The following KALRN variants were observed in gnomAD, a reference collection of about 807,000 sequenced individuals.
The protein encoded by KALRN is kalirin.
A neutral mutation model predicts 353.7 loss-of-function variants in KALRN; 70 were observed. That is an observed-to-expected ratio of 0.20 (90% confidence interval 0.16 to 0.24). KALRN has a LOEUF of 0.24. Ranked by LOEUF, KALRN falls within the 10% of genes least tolerant of loss-of-function variation. The probability of loss-of-function intolerance (pLI) is 1.00; values close to 1 mark genes in which losing one functional copy is unlikely to be tolerated. For synonymous variants in KALRN, 1,391 were observed against 1,434.8 expected, an observed-to-expected ratio of 0.97 and a Z score of 0.69; for missense variants, 2,791 against 3,756.7, an observed-to-expected ratio of 0.74 and a Z score of 6.72.
At chr3:124,367,507 G>C (rs2085022406) in intron 10 of KALRN, among the ~76,000 whole-genome samples, 1 of 110,902 alleles carries the variant, frequency 9.0e-6, no homozygotes, top group Non-Finnish European at 1.9e-5. Context: ...GGCCGGGCGG[G>C]GGGGCTGACC....
intron 34 of KALRN, among the ~76,000 whole-genome samples, chr3:124,628,136 C>A (rs2080173815): frequency 7.9e-6 from 1 of 125,822 alleles, no homozygotes. Context: ...ACCTTTCCTT[C>A]CATCCTCCCT....
intron 43 of KALRN, 41 bp downstream of exon 43, chr3:124,659,498 C>T (rs1458019055): frequency 2.2e-6 from 3 of 1,361,816 alleles, no homozygotes; most frequent in Non-Finnish European, 3.2e-6. Context: ...GAGAAGGATC[C>T]ATCAGGCTCA....
rs188376474 is a variant in KALRN at position 124,312,209 on chromosome 3, A to G, written c.1092+13296A>G. On this transcript the variant is annotated intron_variant, in intron 6 of 59. Coordinates refer to ENST00000682506, the MANE Select transcript of KALRN (RefSeq NM_001388419.1). ...GAATTTCACTCTTGTTGCCCAGGCC[A>G]GAATGCAGTGGGGCGATCTCGGCTC... Among the ~76,000 whole-genome samples, 654 of 152,318 alleles carry G rather than the reference A, an allele frequency of 4.3e-3. 2 individuals are homozygous for G. The highest frequency in any genetic ancestry group is 7.2e-3 in the Non-Finnish European group (493 of 68,022).
intron 37 of KALRN, among the ~76,000 whole-genome samples, chr3:124,646,925 A>G (rs2082828358): frequency 6.6e-6 from 1 of 152,076 alleles, no homozygotes; most frequent in Non-Finnish European, 1.5e-5. Flanking sequence ...CATCAGAGAC[A>G]TTGTCCCAAA....
At chr3:124,702,187 G>T (rs2062373075) in intron 57 of KALRN, 71 bp downstream of exon 57, 3 of 911,664 alleles carry the variant, frequency 3.3e-6, no homozygotes, top group African/African-American at 1.6e-5. Flanking sequence ...GTAACTTTTT[G>T]TTGTTGTCAT....
At chr3:124,133,673 A>G (rs1337795102) in intron 1 of KALRN, among the ~76,000 whole-genome samples, 1 of 152,206 alleles carries the variant, frequency 6.6e-6, no homozygotes, top group Non-Finnish European at 1.5e-5. Flanking sequence ...TTCCTGGAGA[A>G]GGAGTTTGGA....
chr3:124,260,232 T>A (rs1283827234), intron 3 of KALRN, among the ~76,000 whole-genome samples: 1 of 152,236 alleles, frequency 6.6e-6, no homozygotes, highest in Non-Finnish European at 1.5e-5. Context: ...AAACATGTTC[T>A]GTCCTTCTAC....
intron 1 of KALRN, chr3:124,152,564 TTTCTTTTC>T: frequency 3.1e-6 from 2 of 635,668 alleles, no homozygotes; most frequent in Non-Finnish European, 5.5e-6. Context: ...TTTCTTTTCT[TTTCTTTTC>T]TTTTCTTTCT....
intron 2 of KALRN, among the ~76,000 whole-genome samples, chr3:124,230,681 C>T (rs952999045): frequency 2.6e-5 from 4 of 152,076 alleles, no homozygotes; most frequent in Non-Finnish European, 5.9e-5. Flanking sequence ...AGCCGAACAG[C>T]CTGGGGTAAG....
chr3:124,647,338 C>G (rs189329850), intron 37 of KALRN, among the ~76,000 whole-genome samples: 146 of 152,280 alleles, frequency 9.6e-4, no homozygotes, highest in African/African-American at 3.3e-3. Flanking sequence ...ACAAAACACA[C>G]AGTTACTTGC....
intron 1 of KALRN, among the ~76,000 whole-genome samples, chr3:124,215,381 A>AT (rs1027927100): frequency 1.6e-4 from 24 of 152,038 alleles, no homozygotes; most frequent in Admixed American, 5.2e-4. Flanking sequence ...CTGGGGAGGC[A>AT]TTTTTTTAGC....
chr3:124,424,373 C>T lies in KALRN; in HGVS notation c.2709+1395C>T, dbSNP rs1371815580. Among the ~76,000 whole-genome samples, 10 of 152,144 alleles carry T rather than the reference C, an allele frequency of 6.6e-5. No individual in the cohort carries two copies. The South Asian group carries it at 1.5e-3, about 22-fold the overall frequency. On this transcript the variant is annotated intron_variant, in intron 15 of 59. Coordinates refer to ENST00000682506, the MANE Select transcript of KALRN (RefSeq NM_001388419.1). ...TAAGCCTACTGATTTAGTATGAGAG[C>T]CAAAAACATCTTATTTTGTTTAATT...
chr3:124,379,430 G>A (rs1156395636), intron 10 of KALRN, among the ~76,000 whole-genome samples: 3 of 151,864 alleles, frequency 2.0e-5, no homozygotes, highest in African/African-American at 4.8e-5. Flanking sequence ...ACCAGACATC[G>A]TGAGTTTTAC....
chr3:124,439,179 T>C (rs1224140393), intron 18 of KALRN, 142 bp downstream of exon 18: 8 of 643,814 alleles, frequency 1.2e-5, no homozygotes, highest in South Asian at 2.0e-5. Flanking sequence ...TCCTCCTCCT[T>C]CTTCTCCTTC....
intron 34 of KALRN, among the ~76,000 whole-genome samples, chr3:124,617,759 T>C (rs2078783099): frequency 6.6e-6 from 1 of 152,142 alleles, no homozygotes; most frequent in Non-Finnish European, 1.5e-5. Context: ...AGTCCCCAGA[T>C]GATACTGATC....
chr3:124,470,886 T>G (rs1476438537), intron 25 of KALRN, among the ~76,000 whole-genome samples: 1 of 152,190 alleles, frequency 6.6e-6, no homozygotes, highest in Non-Finnish European at 1.5e-5. Flanking sequence ...CTCAACATAT[T>G]ATAGGATTTT....
At chr3:124,649,955 C>T (rs1240656022) in intron 37 of KALRN, among the ~76,000 whole-genome samples, 1 of 139,794 alleles carries the variant, frequency 7.2e-6, no homozygotes, top group East Asian at 2.1e-4. Flanking sequence ...GAGACCCTGT[C>T]TCTAAAATAA....
intron 23 of KALRN, among the ~76,000 whole-genome samples, chr3:124,459,395 G>T (rs2059636890): frequency 6.6e-6 from 1 of 152,184 alleles, no homozygotes; most frequent in South Asian, 2.1e-4. Flanking sequence ...TGTTTTCTCA[G>T]AATAAGAATG....
chr3:124,160,923 A>T (rs912638837), intron 1 of KALRN, among the ~76,000 whole-genome samples: 1 of 152,184 alleles, frequency 6.6e-6, no homozygotes, highest in East Asian at 1.9e-4. Context: ...GTAGTTCTCC[A>T]AGGACTGAGA....
Sources: gnomAD v4.1 joint callset for allele counts (sites outside exome capture counted in the v4.1 genomes callset) on GRCh38, gnomAD v4.1.1 for gene constraint, MANE v1.5 for transcripts, NCBI Gene and HGNC (gene_info 2026-07-23, HGNC 2026-07-21) for gene names.